The following TBL2 variants were observed in gnomAD, a reference collection of about 807,000 sequenced individuals.
TBL2 encodes transducin beta-like protein 2.
In TBL2, 33 loss-of-function variants were observed where a neutral mutation model predicts 41.8. The observed-to-expected ratio is 0.79, with a 90% confidence interval of 0.60 to 1.06. The LOEUF is 1.06. Ranked by LOEUF, TBL2 falls within the 50% of genes least tolerant of loss-of-function variation. TBL2 has a pLI of 0.00. For synonymous variants in TBL2, 239 were observed against 241.7 expected (o/e 0.99, Z 0.10); for missense variants, 522 against 603.8 (o/e 0.86, Z 1.42).
chr7:73,575,376 T>C (rs1369696498), intron 1 of TBL2, among the ~76,000 whole-genome samples: 1 of 151,786 alleles, frequency 6.6e-6, no homozygotes, highest in Non-Finnish European at 1.5e-5. Context: ...CTGCAAGCTC[T>C]GCCTCCCGGG....
In TBL2 at chr7:73,569,117, A is replaced by T. The variant is rs1792767843; in HGVS notation, c.*1390T>A. The T allele has an allele frequency of 6.6e-6, 1 of 152,228 alleles. No individual in the cohort carries two copies. Among genetic ancestry groups the T allele is most frequent in the South Asian group, 2.1e-4 (1 of 4,828 alleles). 9.4% of individuals were successfully genotyped at this position (152,228 alleles called of 1,614,324 possible). ...GGAAGATCCATTAGGAAGCCATATT[A>T]TAGTGGCCCACTAGGTGACAGTAGC... On this transcript the variant is annotated 3_prime_UTR_variant, in exon 7 of 7. Coordinates refer to ENST00000305632, the MANE Select transcript of TBL2 (RefSeq NM_012453.4).
At chr7:73,577,896 C>T (rs1055430451) in intron 1 of TBL2, 9 of 199,224 alleles carry the variant, frequency 4.5e-5, no homozygotes, top group Admixed American at 1.2e-4. Context: ...CCTCGGCCTC[C>T]CAAAGTGCTG....
chr7:73,572,195 TTC>T (rs1242058206), intron 5 of TBL2, among the ~76,000 whole-genome samples: 3 of 152,190 alleles, frequency 2.0e-5, no homozygotes, highest in African/African-American at 7.2e-5. Flanking sequence ...ACGCCTGTAA[TTC>T]TACCACTTTG....
In TBL2 at chr7:73,572,981, A is replaced by G. The variant is rs1456631716; in HGVS notation, c.599-11T>C. ...TCATGATAAACTTCCCTGAGCGGGA[A>G]GGGAGTGATGTGGGTCACGGGCAGT... On this transcript the variant is annotated splice_polypyrimidine_tract_variant and intron_variant, in intron 4 of 6. Coordinates refer to ENST00000305632, the MANE Select transcript of TBL2 (RefSeq NM_012453.4). 5 of 1,614,038 alleles carry G rather than the reference A, an allele frequency of 3.1e-6. No individual in the cohort carries two copies. The highest frequency in any genetic ancestry group is 2.7e-5 in the African/African-American group (2 of 74,928).
chr7:73,575,292 ATT>A (rs781957714), intron 1 of TBL2, among the ~76,000 whole-genome samples: 3 of 101,608 alleles, frequency 3.0e-5, no homozygotes, highest in South Asian at 3.0e-4. Flanking sequence ...TATCCAGCTA[ATT>A]TTTTTTTTTT....
rs1554586549 is a variant in TBL2 at position 73,568,393 on chromosome 7, T to G, written c.*2114A>C. Among the ~76,000 whole-genome samples, 2 of 152,170 alleles carry G rather than the reference T, an allele frequency of 1.3e-5. No homozygotes were observed. The highest frequency in any genetic ancestry group is 4.8e-5 in the African/African-American group (2 of 41,432). On this transcript the variant is annotated 3_prime_UTR_variant, in exon 7 of 7. Coordinates refer to ENST00000305632, the MANE Select transcript of TBL2 (RefSeq NM_012453.4). ...TGTTTAGTTATTTAAGTTGCTCACT[T>G]CTAGCTTCTGTGAAGCAATTTCTGC...
chr7:73,573,199 A>G, intron 4 of TBL2, 121 bp downstream of exon 4: 2 of 1,467,170 alleles, frequency 1.4e-6, no homozygotes, highest in Non-Finnish European at 1.9e-6. Flanking sequence ...GTTCAGAGCC[A>G]GGGACCCCTT....
chr7:73,578,336 C>T (rs1178853918), intron 1 of TBL2, 84 bp downstream of exon 1: 2 of 1,536,142 alleles, frequency 1.3e-6, no homozygotes, highest in African/African-American at 1.4e-5. Context: ...CCACCAGCCG[C>T]GGGCCCAAAC....
chr7:73,578,398 CA>C (rs1793475255), intron 1 of TBL2, 21 bp downstream of exon 1: 1 of 1,525,130 alleles, frequency 6.6e-7, no homozygotes, highest in Admixed American at 2.1e-5. Context: ...GGGCCGCCCC[CA>C]CCCGACCCGG....
Position 73,578,483 on chromosome 7 carries a change from C to T in TBL2, c.67G>A (p.Ala23Thr). The T allele has an allele frequency of 1.3e-6, 2 of 1,582,632 alleles. No homozygotes were observed. Among genetic ancestry groups the T allele is most frequent in the Non-Finnish European group, 1.7e-6 (2 of 1,167,534 alleles). ...SVLLGLLALM[A>T]TAAVARGWLR... ...CACCCCCGCGCTACCGCCGCCGTCG[C>T]CATCAGGGCCAGCAGCCCAAGCAAC... The change falls in exon 1 of 7, where the codon GCG (alanine) becomes ACG (threonine). Residue 23 changes from alanine to threonine, a missense_variant. Coordinates refer to ENST00000305632, the MANE Select transcript of TBL2 (RefSeq NM_012453.4).
intron 4 of TBL2, 117 bp downstream of exon 4, chr7:73,573,203 A>AC (rs1793078016): frequency 2.0e-6 from 3 of 1,474,918 alleles, no homozygotes; most frequent in Non-Finnish European, 2.8e-6. Context: ...AGAGCCAGGG[A>AC]CCCCTTGTTC....
In TBL2 at chr7:73,572,398, G is replaced by A. The variant is rs148058896; in HGVS notation, c.725+446C>T. ...TGGGAAGTCAAGGCTACAGTGAGCT[G>A]TGATTGCGCCACTGCACTCCTGCCT... is the stretch of plus-strand genomic sequence containing the variant. On this transcript the variant is annotated intron_variant, in intron 5 of 6. Coordinates refer to ENST00000305632, the MANE Select transcript of TBL2 (RefSeq NM_012453.4). Among the ~76,000 whole-genome samples, 13 of 152,312 alleles carry A rather than the reference G, an allele frequency of 8.5e-5. No individual in the cohort carries two copies. The East Asian group carries it at 2.5e-3, about 29-fold the overall frequency.
In TBL2 at chr7:73,569,692, T is replaced by C. The variant is rs546007185; in HGVS notation, c.*815A>G. On this transcript the variant is annotated 3_prime_UTR_variant, in exon 7 of 7. Coordinates refer to ENST00000305632, the MANE Select transcript of TBL2 (RefSeq NM_012453.4). ...TATTTAATCCCCAGCTCATATTTAT[T>C]TGGGCACAGAGTGGGCACTCAAATA... 16 of 152,332 alleles carry C rather than the reference T, an allele frequency of 1.1e-4. No homozygotes were observed. The highest frequency in any genetic ancestry group is 3.6e-4 in the African/African-American group (15 of 41,578). The allele number at this position is 152,332 out of a possible 1,614,324, so 9.4% of individuals were successfully genotyped here. A position where few individuals can be genotyped will look rare whatever the true frequency, so the allele number is the denominator to read the frequency against.
At position 73,570,666 on chromosome 7, in the gene TBL2, C is replaced by T. The variant is rs920522610; in HGVS notation, c.1185G>A (p.Ala395=). 8.1e-6 allele frequency: 13 copies of T among 1,613,790 alleles called. No individual in the cohort carries two copies. Among genetic ancestry groups the T allele is most frequent in the Middle Eastern group, 1.6e-4 (1 of 6,084 alleles). ...CAGGAGTGTTGTGAAACAGCCGCAC[C>T]GCCCGGTCCCCACAGGAGGCCAGAA... ...GRFLASCGDR[A]VRLFHNTPGH... Residue 395 remains alanine (A), a synonymous_variant, in exon 7 of 7, where the codon GCG becomes GCA. Coordinates refer to ENST00000305632, the MANE Select transcript of TBL2 (RefSeq NM_012453.4).
intron 5 of TBL2, 68 bp downstream of exon 5, chr7:73,572,776 C>G: frequency 6.2e-7 from 1 of 1,608,498 alleles, no homozygotes; most frequent in Non-Finnish European, 8.5e-7. Flanking sequence ...AGCTGGCTCT[C>G]TGTTCTGTGC....
chr7:73,575,134 CT>C (rs1554588694), intron 1 of TBL2, among the ~76,000 whole-genome samples: 2 of 150,420 alleles, frequency 1.3e-5, no homozygotes, highest in Non-Finnish European at 3.0e-5. Context: ...TTCTTTCTTT[CT>C]TTTTTTTGGA....
chr7:73,574,516 A>G lies in TBL2; in HGVS notation c.131-3T>C, dbSNP rs1554588516. Reference sequence around the variant, plus strand: ...TGGAAATCCATTTGCTTTTTGGCCTATAAGGAAGGGCCATGTTGTTCTCCA... The same window carrying G: ...TGGAAATCCATTTGCTTTTTGGCCTGTAAGGAAGGGCCATGTTGTTCTCCA... On this transcript the variant is annotated splice_polypyrimidine_tract_variant and splice_region_variant and intron_variant, in intron 1 of 6. Coordinates refer to ENST00000305632, the MANE Select transcript of TBL2 (RefSeq NM_012453.4). The G allele has an allele frequency of 3.7e-6, 6 of 1,614,080 alleles. No individual in the cohort carries two copies. The highest frequency in any genetic ancestry group is 2.2e-5 in the South Asian group (2 of 91,086).
rs1459586633 is a variant in TBL2, at chr7:73,568,128, G to A, written c.*2379C>T. 2.0e-5 allele frequency among the ~76,000 whole-genome samples: 3 copies of A among 152,208 alleles called. No individual in the cohort carries two copies. Among genetic ancestry groups the A allele is most frequent in the Non-Finnish European group, 4.4e-5 (3 of 68,042 alleles). ...CAAAACCACAATGGAGACTGGGAGT[G>A]GGAAGATGCGCGGAGAAGATACTGG... On this transcript the variant is annotated 3_prime_UTR_variant, in exon 7 of 7. Transcript: ENST00000305632.
rs1409936139 is a variant in TBL2 at position 73,569,358 on chromosome 7, G to A, written c.*1149C>T. 6.6e-6 allele frequency: 1 copy of A among 152,166 alleles called. No homozygotes were observed. The highest frequency in any genetic ancestry group is 1.5e-5 in the Non-Finnish European group (1 of 68,062). 9.4% of individuals were successfully genotyped at this position (152,166 alleles called of 1,614,324 possible). ...AACCAGGGGGGGTCATAGTTTTCGTGAGAGAGATCAAGAGTTTGACTTGGG... is the reference window on the plus strand; with the variant it reads ...AACCAGGGGGGGTCATAGTTTTCGTAAGAGAGATCAAGAGTTTGACTTGGG... On this transcript the variant is annotated 3_prime_UTR_variant, in exon 7 of 7. Transcript: ENST00000305632.
Sources: allele counts gnomAD v4.1 joint callset (sites outside exome capture counted in the v4.1 genomes callset), GRCh38; gene constraint gnomAD v4.1.1; transcripts MANE v1.5; gene names NCBI Gene and HGNC (gene_info 2026-07-23, HGNC 2026-07-21).